IMPDH2: variants seen among roughly 807,000 people sequenced by gnomAD.
IMPDH2 encodes the protein inosine-5'-monophosphate dehydrogenase 2.
In IMPDH2, 33 loss-of-function variants were observed where a neutral mutation model predicts 57.8. The ratio of observed to expected loss-of-function variants is 0.57; its 90% confidence interval spans 0.43 to 0.76. The LOEUF (loss-of-function observed/expected upper bound fraction) is 0.76. IMPDH2 is among the 30% of genes least tolerant of loss of function. The probability of loss-of-function intolerance (pLI) is 0.00; values close to 1 mark genes in which losing one functional copy is unlikely to be tolerated. For synonymous variants in IMPDH2, 270 were observed against 241.3 expected (o/e 1.12, Z -1.10); for missense variants, 446 against 659.1 (o/e 0.68, Z 3.54).
chr3:49,027,116 TC>T (rs2093203029), intron 5 of IMPDH2, 69 bp from the exon 6 acceptor site: 1 of 1,239,932 alleles, frequency 8.1e-7, no homozygotes, highest in Non-Finnish European at 1.2e-6. Flanking sequence ...TTTCTTTCCT[TC>T]CCAAGTAGCT....
rs2093215590 is a variant in IMPDH2, at chr3:49,029,334, A to C, written c.17T>G (p.Ile6Ser). ...TGGCACGTAGGACGTGCCCCCACTA[A>C]TCAGGTAGTCGGCCATGGCCAACAC... MADYL[I>S]SGGTSYVPDD... The change falls in exon 1 of 14, where the codon ATT becomes AGT. Residue 6 changes from isoleucine to serine, a missense_variant. Ile to Ser is a moderately radical substitution (Grantham distance 142). Transcript: ENST00000326739. 1 of 1,600,530 alleles carries C rather than the reference A, an allele frequency of 6.2e-7. No homozygotes were observed. The highest frequency in any genetic ancestry group is 1.3e-5 in the African/African-American group (1 of 74,822).
intron 12 of IMPDH2, 28 bp downstream of exon 12, chr3:49,024,631 T>C (rs1255873844): frequency 6.2e-7 from 1 of 1,614,100 alleles, no homozygotes; most frequent in Non-Finnish European, 8.5e-7. Flanking sequence ...CCAGCCCCTC[T>C]ACCCATGTCC....
At position 49,028,311 on chromosome 3, in the gene IMPDH2, A is replaced by G. The variant is rs1399684012; in HGVS notation, c.261T>C (p.Gly87=). Residue 87 remains glycine, a synonymous_variant, in exon 4 of 14, where the codon GGT becomes GGC. Transcript: ENST00000326739. Reference sequence around the variant, plus strand: ...TACAGTTGTGGTGGATGAAGCCAATACCGCCTGTAAGCTACAGGATAAAAA... The same window carrying G: ...TACAGTTGTGGTGGATGAAGCCAATGCCGCCTGTAAGCTACAGGATAAAAA... The part of the protein sequence containing the change: ...GMAIAMALTG[G]IGFIHHNCTP... 3 of 1,614,016 alleles carry G rather than the reference A, an allele frequency of 1.9e-6. No homozygotes were observed. Among genetic ancestry groups the G allele is most frequent in the Non-Finnish European group, 2.5e-6 (3 of 1,179,902 alleles).
chr3:49,028,581 A>G, intron 2 of IMPDH2, 49 bp from the exon 3 acceptor site: 2 of 1,465,868 alleles, frequency 1.4e-6, no homozygotes, highest in Non-Finnish European at 1.9e-6. Flanking sequence ...CTTACACCTC[A>G]AGGTGTTACT....
rs1423714090 is a variant in IMPDH2, at chr3:49,029,108, CAA to C, written c.98+143_98+144del. The C allele has an allele frequency of 3.2e-5, 23 of 716,132 alleles. No homozygotes were observed. The East Asian group carries it at 5.6e-4, about 18-fold the overall frequency. The allele number at this position is 716,132 out of a possible 1,614,324, so 44.4% of individuals were successfully genotyped here. A position where few individuals can be genotyped will look rare whatever the true frequency, so the allele number is the denominator to read the frequency against. ...ACCCCAAGCACCGCTCCAGATGTCT[CAA>C]AGTGAGCCCCGGAGGTGGGTGGCCA... is the stretch of plus-strand genomic sequence containing the variant. On this transcript the variant is annotated intron_variant, in intron 1 of 13. Coordinates refer to ENST00000326739, the MANE Select transcript of IMPDH2 (RefSeq NM_000884.3).
rs779978407 is a variant in IMPDH2, at chr3:49,029,228, C to T, written c.98+25G>A. Reference sequence around the variant, plus strand: ...CCCAGGGTGCCGCCCCTCTCTTCGCCCAGGTGAGCCCCATAGGCCCGCACT... The same window carrying T: ...CCCAGGGTGCCGCCCCTCTCTTCGCTCAGGTGAGCCCCATAGGCCCGCACT... On this transcript the variant is annotated intron_variant, in intron 1 of 13. Transcript: ENST00000326739. The T allele has an allele frequency of 4.5e-6, 7 of 1,556,656 alleles. No homozygotes were observed. In the South Asian group the frequency reaches 8.1e-5, roughly 18 times the overall value.
Position 49,025,240 on chromosome 3 carries a change from C to T in IMPDH2, c.1036G>A (p.Ala346Thr). 1 of 1,614,266 alleles carries T rather than the reference C, an allele frequency of 6.2e-7. No individual in the cohort carries two copies. Among genetic ancestry groups the T allele is most frequent in the East Asian group, 2.2e-5 (1 of 44,892 alleles). Residue 346 changes from alanine (A) to threonine (T), a missense_variant, in exon 10 of 14, where the codon GCA becomes ACA. Coordinates refer to ENST00000326739, the MANE Select transcript of IMPDH2 (RefSeq NM_000884.3). ...VLACGRPQAT[A>T]VYKVSEYARR... ...GCATACTCTGACACCTTGTACACTG[C>T]TGTTGCTTGGGGCCGCCCACAGGCC...
Position 49,025,009 on chromosome 3 carries a change from A to C in IMPDH2, c.1182T>G (p.Thr394=), listed in dbSNP as rs763387639. The C allele has an allele frequency of 6.2e-7, 1 of 1,614,242 alleles. No individual in the cohort carries two copies. Among genetic ancestry groups the C allele is most frequent in the Non-Finnish European group, 8.5e-7 (1 of 1,180,032 alleles). ...AAAAGAAGTATTCACCAGGGGCCTC[A>C]GTGGTGGCAGCCAGGAGAGAGCCCA... ...VMMGSLLAAT[T]EAPGEYFFSD... Residue 394 remains threonine, a synonymous_variant, in exon 11 of 14, where the codon ACT becomes ACG. Transcript: ENST00000326739.
intron 6 of IMPDH2, 29 bp downstream of exon 6, chr3:49,026,931 C>T (rs1559916476): frequency 6.2e-7 from 1 of 1,613,486 alleles, no homozygotes. Context: ...GGCATTAGTT[C>T]CAGGCCCTTT....
Position 49,028,818 on chromosome 3 carries a change from G to T in IMPDH2, c.99-12C>A. The T allele has an allele frequency of 6.2e-7, 1 of 1,611,830 alleles. No individual in the cohort carries two copies. The highest frequency in any genetic ancestry group is 8.5e-7 in the Non-Finnish European group (1 of 1,177,898). ...GAATGAGAAAGTCACTGCGAGGGAA[G>T]GGAGTGAATTGGGAGTAAAGCTCTC... On this transcript the variant is annotated splice_polypyrimidine_tract_variant and intron_variant, in intron 1 of 13. Coordinates refer to ENST00000326739, the MANE Select transcript of IMPDH2 (RefSeq NM_000884.3).
At position 49,026,694 on chromosome 3, in the gene IMPDH2, A is replaced by C. The variant is rs757430074; in HGVS notation, c.812T>G (p.Val271Gly). 1 of 1,614,016 alleles carries C rather than the reference A, an allele frequency of 6.2e-7. No individual in the cohort carries two copies. The highest frequency in any genetic ancestry group is 1.1e-5 in the South Asian group (1 of 91,082). Residue 271 changes from valine to glycine, a missense_variant, in exon 7 of 14, where the codon GTG becomes GGG. Physicochemically the swap from Val to Gly is moderately radical, Grantham distance 109 (BLOSUM62 -3). Transcript: ENST00000326739. ...ACCTGTGTAGCAGCTCACCAAAACC[A>C]CTACATCCACACCAGCCTGGGCGAG... Reference protein sequence around the residue: ...DLLAQAGVDVVVLDSSQGNSI... With the variant: ...DLLAQAGVDVGVLDSSQGNSI...
intron 2 of IMPDH2, 24 bp downstream of exon 2, chr3:49,028,734 G>A (rs777979574): frequency 2.2e-5 from 35 of 1,602,232 alleles, no homozygotes; most frequent in Non-Finnish European, 3.0e-5. Context: ...TGATGTTCAG[G>A]ACCCAATTCC....
In IMPDH2 at chr3:49,027,765, G is replaced by A. The variant is rs2093205445; in HGVS notation, c.476C>T (p.Ser159Phe). Reference sequence around the variant, plus strand: ...TTTGAGAAAATCAATGTCCCTGGAGGAGATGATGCCCACCAAGCGGCTCCC... The same window carrying A: ...TTTGAGAAAATCAATGTCCCTGGAGAAGATGATGCCCACCAAGCGGCTCCC... ...RMGSRLVGII[S>F]SRDIDFLKEE... The change falls in exon 5 of 14, where the codon TCC becomes TTC. Residue 159 changes from serine (S) to phenylalanine (F), a missense_variant. Ser to Phe is a radical substitution (Grantham distance 155). Coordinates refer to ENST00000326739, the MANE Select transcript of IMPDH2 (RefSeq NM_000884.3). 6.2e-7 allele frequency: 1 copy of A among 1,614,076 alleles called. No homozygotes were observed. The highest frequency in any genetic ancestry group is 1.3e-5 in the African/African-American group (1 of 74,932).
chr3:49,024,456 AG>A, intron 13 of IMPDH2, 38 bp downstream of exon 13: 1 of 1,613,954 alleles, frequency 6.2e-7, no homozygotes, highest in Non-Finnish European at 8.5e-7. Context: ...AGGAGGCATG[AG>A]GTATGGCAGA....
intron 2 of IMPDH2, 43 bp downstream of exon 2, chr3:49,028,715 A>G (rs2093210506): frequency 6.5e-7 from 1 of 1,546,682 alleles, no homozygotes; most frequent in African/African-American, 1.4e-5. Flanking sequence ...GTAGCACCTT[A>G]GCTCACCTTG....
chr3:49,029,178 T>TCTTC (rs954584692), intron 1 of IMPDH2, 75 bp downstream of exon 1: 108 of 1,251,550 alleles, frequency 8.6e-5, no homozygotes, highest in Non-Finnish European at 1.2e-4. Flanking sequence ...AAGGCGGCTC[T>TCTTC]CGGAAGCCCC....
At position 49,028,258 on chromosome 3, in the gene IMPDH2, C is replaced by T. The variant is rs2093208148; in HGVS notation, c.314G>A (p.Arg105Gln). The change falls in exon 4 of 14, where the codon CGG becomes CAG. Residue 105 changes from arginine (R) to glutamine (Q), a missense_variant. Coordinates refer to ENST00000326739, the MANE Select transcript of IMPDH2 (RefSeq NM_000884.3). ...CTPEFQANEV[R>Q]KVKKYEQGFI... is the part of the protein sequence containing the mutation. ...CGTTGCCCTTCTGACCTTCACTTTCCGAACTTCATTGGCCTGGAATTCAGG... is the reference window on the plus strand; with the variant it reads ...CGTTGCCCTTCTGACCTTCACTTTCTGAACTTCATTGGCCTGGAATTCAGG... 4 of 1,614,084 alleles carry T rather than the reference C, an allele frequency of 2.5e-6. No homozygotes were observed. Among genetic ancestry groups the T allele is most frequent in the Non-Finnish European group, 2.5e-6 (3 of 1,179,928 alleles).
chr3:49,024,664 T>C lies in IMPDH2; in HGVS notation c.1434A>G (p.Gln478=). 6.2e-7 allele frequency: 1 copy of C among 1,614,230 alleles called. No individual in the cohort carries two copies. Among genetic ancestry groups the C allele is most frequent in the African/African-American group, 1.3e-5 (1 of 75,070 alleles). Residue 478 remains glutamine, a synonymous_variant, in exon 12 of 14, where the codon CAA becomes CAG. Coordinates refer to ENST00000326739, the MANE Select transcript of IMPDH2 (RefSeq NM_000884.3). The part of the protein sequence containing the change: ...CQDIGAKSLT[Q]VRAMMYSGEL... ...TCCCAGCTCCCCAAGCTCACCGGAC[T>C]TGGGTCAAGCTCTTGGCACCAATGT...
chr3:49,026,477 C>T, intron 8 of IMPDH2, 42 bp downstream of exon 8: 3 of 1,593,852 alleles, frequency 1.9e-6, no homozygotes, highest in East Asian at 4.5e-5. Flanking sequence ...CCCAGCTTAC[C>T]CACTCCCACC....
Sources: gnomAD v4.1 joint callset for allele counts on GRCh38, gnomAD v4.1.1 for gene constraint, MANE v1.5 for transcripts, NCBI Gene and HGNC (gene_info 2026-07-23, HGNC 2026-07-21) for gene names.